Variants in KLHL15 observed in about 807,000 individuals in gnomAD.
The protein encoded by KLHL15 is kelch like family member 15.
A neutral mutation model predicts 29.3 loss-of-function variants in KLHL15; 1 was observed. The observed-to-expected ratio is 0.03, with a 90% CI of 0.01 to 0.16. The LOEUF (loss-of-function observed/expected upper bound fraction) is 0.16, where lower values mean the gene tolerates loss of function less well. KLHL15 is among the 10% of genes least tolerant of loss of function. The pLI is 1.00. For synonymous variants in KLHL15, 212 were observed against 184.5 expected (o/e 1.15, Z -1.21); for missense variants, 215 against 478.5 (o/e 0.45, Z 5.14).
intron 2 of KLHL15, among the ~76,000 whole-genome samples, chrX:24,014,071 C>CA (rs1203094632): frequency 2.0e-5 from 2 of 101,893 alleles, no homozygotes; most frequent in Non-Finnish European, 4.0e-5. Flanking sequence ...GCCTGAGAAA[C>CA]ATAGACCCCA....
chrX:23,991,313 A>C (rs1929078530), intron 3 of KLHL15, among the ~76,000 whole-genome samples: 1 of 100,866 alleles, frequency 9.9e-6, no homozygotes, highest in Admixed American at 1.1e-4. Context: ...AGATTGCGCC[A>C]TTGCACTCCA....
chrX:24,004,391 C>T (rs1929400854), intron 3 of KLHL15, among the ~76,000 whole-genome samples: 1 of 110,857 alleles, frequency 9.0e-6, no homozygotes, highest in South Asian at 3.8e-4. Flanking sequence ...AACAGGATTC[C>T]CCAGGGAAAA....
intron 3 of KLHL15, among the ~76,000 whole-genome samples, chrX:24,003,413 C>T (rs1391826758): frequency 9.3e-6 from 1 of 107,952 alleles, no homozygotes; most frequent in African/African-American, 3.4e-5. Context: ...ATTAGCCGGG[C>T]GTGGTGGCGG....
intron 3 of KLHL15, among the ~76,000 whole-genome samples, chrX:24,004,775 G>A (rs1276933750): frequency 2.1e-5 from 2 of 95,148 alleles, no homozygotes; most frequent in Non-Finnish European, 4.1e-5. Context: ...GGGCGACAGA[G>A]CGAGACTCTG....
At chrX:24,009,579 G>A (rs373358869) in intron 2 of KLHL15, among the ~76,000 whole-genome samples, 5 of 108,008 alleles carry the variant, frequency 4.6e-5, no homozygotes, top group Admixed American at 1.0e-4. Flanking sequence ...TAGCTACTCC[G>A]GAGGCTGAGA....
intron 2 of KLHL15, among the ~76,000 whole-genome samples, chrX:24,013,469 T>C (rs1249243733): frequency 5.4e-5 from 6 of 110,136 alleles, no homozygotes; most frequent in Non-Finnish European, 1.1e-4. Context: ...TTCGTCATGT[T>C]GGCCAGCTGG....
At chrX:24,011,835 T>C (rs1022893454) in intron 2 of KLHL15, among the ~76,000 whole-genome samples, 4 of 110,168 alleles carry the variant, frequency 3.6e-5, no homozygotes, top group Non-Finnish European at 7.6e-5. Flanking sequence ...TCTAAAAGGA[T>C]AGAATGCCAA....
chrX:24,015,344 A>G (rs1929654502), intron 2 of KLHL15, among the ~76,000 whole-genome samples: 1 of 112,444 alleles, frequency 8.9e-6, no homozygotes, highest in Non-Finnish European at 1.9e-5. Context: ...AACTATAGCT[A>G]CTTTTAAAGT....
At position 23,991,828 on chromosome X, in the gene KLHL15, G is replaced by A. The variant is rs148590535; in HGVS notation, c.706-2798C>T. 5.9e-4 allele frequency among the ~76,000 whole-genome samples: 66 copies of A among 111,779 alleles called. No homozygotes were observed. In the East Asian group the frequency reaches 0.015, roughly 26 times the overall value. ...CATTCCAACCTGGGTGACAGAGCAAGACTCCATCTCGAAAAAACAACAACA... is the reference window on the plus strand; with the variant it reads ...CATTCCAACCTGGGTGACAGAGCAAAACTCCATCTCGAAAAAACAACAACA... On this transcript the variant is annotated intron_variant, in intron 3 of 3. Transcript: ENST00000328046.
chrX:23,997,302 G>A (rs1929209784), intron 3 of KLHL15, among the ~76,000 whole-genome samples: 1 of 112,181 alleles, frequency 8.9e-6, no homozygotes, highest in Non-Finnish European at 1.9e-5. Flanking sequence ...GCTGGGCATA[G>A]TGGTGTGCCC....
chrX:23,984,326 A>G lies in KLHL15; in HGVS notation c.*3595T>C, dbSNP rs1029377674. 5 of 112,134 alleles carry G rather than the reference A, an allele frequency of 4.5e-5. No individual in the cohort carries two copies. The highest frequency in any genetic ancestry group is 9.4e-5 in the Non-Finnish European group (5 of 53,196). The allele number at this position is 112,134 out of a possible 1,213,427, so 9.2% of individuals were successfully genotyped here. On this transcript the variant is annotated 3_prime_UTR_variant, in exon 4 of 4. Coordinates refer to ENST00000328046, the MANE Select transcript of KLHL15 (RefSeq NM_030624.3). Reference sequence around the variant, plus strand: ...GGATAAACTAATTTTTAGGACTTCCATTTTTAAGATAAATCTCTTTTTAGA... The same window carrying G: ...GGATAAACTAATTTTTAGGACTTCCGTTTTTAAGATAAATCTCTTTTTAGA...
chrX:24,001,649 C>T (rs890948709), intron 3 of KLHL15, among the ~76,000 whole-genome samples: 2 of 106,057 alleles, frequency 1.9e-5, no homozygotes. Context: ...ACTAAAAACA[C>T]AAAAATTAGC....
In KLHL15 at chrX:24,025,044, C is replaced by T; in HGVS notation, c.-195G>A. The stretch of plus-strand genomic sequence containing the variant: ...GGCACGAGAGTGCTCGCCTGCAGCC[C>T]CCTCTGGATAAGTCCTGGGAAAGAA... On this transcript the variant is annotated 5_prime_UTR_variant, in exon 2 of 4. Transcript: ENST00000328046. The T allele has an allele frequency of 3.4e-6, 1 of 297,480 alleles. No individual in the cohort carries two copies. Among genetic ancestry groups the T allele is most frequent in the Non-Finnish European group, 5.9e-6 (1 of 169,917 alleles). 24.5% of individuals were successfully genotyped at this position (297,480 alleles called of 1,213,427 possible).
At chrX:24,027,077 C>T (rs1395723841) in intron 1 of KLHL15, 63 bp downstream of exon 1, 1 of 112,213 alleles carries the variant, frequency 8.9e-6, no homozygotes, top group Non-Finnish European at 1.9e-5. Context: ...CATCTAAACG[C>T]TGAGTTTGGA....
chrX:24,022,784 A>T (rs1265141811), intron 2 of KLHL15, among the ~76,000 whole-genome samples: 1 of 100,531 alleles, frequency 9.9e-6, no homozygotes, highest in Non-Finnish European at 2.0e-5. Context: ...CAGTGCCGCC[A>T]TCTTGGATTA....
Position 23,997,104 on chromosome X carries a change from CAGGGTAAATAGGGGT to C in KLHL15, c.706-8089_706-8075del, listed in dbSNP as rs1173511306. On this transcript the variant is annotated intron_variant, in intron 3 of 3. Coordinates refer to ENST00000328046, the MANE Select transcript of KLHL15 (RefSeq NM_030624.3). ...AAGTGAACTTCAGAAGTAAAGTGACCAGGGTAAATAGGGGTGAGGGAGAGGTGCCCTCAGGGCAAG... is the reference window on the plus strand; with the variant it reads ...AAGTGAACTTCAGAAGTAAAGTGACCGAGGGAGAGGTGCCCTCAGGGCAAG... 4.6e-3 allele frequency among the ~76,000 whole-genome samples: 499 copies of C among 107,331 alleles called. 2 individuals carry two copies. The highest frequency in any genetic ancestry group is 0.017 in the African/African-American group (478 of 28,603). The allele number at this position is 107,331 out of a possible 115,157, so 93.2% of individuals were successfully genotyped here.
At chrX:24,025,630 C>T (rs1177576953) in intron 1 of KLHL15, among the ~76,000 whole-genome samples, 21 of 107,465 alleles carry the variant, frequency 2.0e-4, no homozygotes, top group Non-Finnish European at 3.7e-4. Context: ...GGGTGTTTAC[C>T]TTCCCCCTGG....
intron 2 of KLHL15, among the ~76,000 whole-genome samples, chrX:24,018,437 GTTT>G (rs541575815): frequency 9.8e-6 from 1 of 102,137 alleles, no homozygotes; most frequent in Non-Finnish European, 2.0e-5. Flanking sequence ...CAAATAGTAG[GTTT>G]TTTTTTTTTC....
intron 2 of KLHL15, among the ~76,000 whole-genome samples, chrX:24,021,827 A>T (rs1298547402): frequency 1.0e-5 from 1 of 99,885 alleles, no homozygotes; most frequent in Non-Finnish European, 2.0e-5. Context: ...TCTCTTCAAT[A>T]AAAAAAAAAA....
Sources: gnomAD v4.1 joint callset for allele counts (sites outside exome capture counted in the v4.1 genomes callset) on GRCh38, gnomAD v4.1.1 for gene constraint, MANE v1.5 for transcripts, NCBI Gene and HGNC (gene_info 2026-07-23, HGNC 2026-07-21) for gene names.